Variants in TFCP2L1 observed in about 807,000 individuals in gnomAD.
The protein encoded by TFCP2L1 is transcription factor CP2-like protein 1.
Under a neutral mutation model 72.2 loss-of-function variants are expected in TFCP2L1, and 12 were observed. The ratio of observed to expected loss-of-function variants is 0.17; its 90% confidence interval spans 0.11 to 0.27. The LOEUF (loss-of-function observed/expected upper bound fraction) is 0.27. Among genes scored for constraint, TFCP2L1 ranks in the 10% least tolerant of loss-of-function variants. The pLI is 1.00. For synonymous variants in TFCP2L1, 260 were observed against 251.0 expected (o/e 1.04, Z -0.34); for missense variants, 488 against 624.6 (o/e 0.78, Z 2.33).
At chr2:121,249,174 C>T (rs865792175) in intron 3 of TFCP2L1, 87 bp from the exon 4 acceptor site, 2 of 1,083,128 alleles carry the variant, frequency 1.8e-6, no homozygotes, top group South Asian at 3.5e-5. Context: ...GTAAACCCTC[C>T]CACCTTTGAG....
At position 121,249,101 on chromosome 2, in the gene TFCP2L1, C is replaced by A; in HGVS notation, c.292-14G>T. 6.5e-7 allele frequency: 1 copy of A among 1,541,288 alleles called. No homozygotes were observed. On this transcript the variant is annotated splice_polypyrimidine_tract_variant and intron_variant, in intron 3 of 14. Coordinates refer to ENST00000263707, the MANE Select transcript of TFCP2L1 (RefSeq NM_014553.3). ...ACGGATGATGCTCTGGGGAGGGAGG[C>A]CAGCAGGGAAACAAGTGACCGCGGG...
intron 13 of TFCP2L1, among the ~76,000 whole-genome samples, chr2:121,230,862 G>A (rs1191535642): frequency 6.6e-6 from 1 of 152,118 alleles, no homozygotes; most frequent in Non-Finnish European, 1.5e-5. Context: ...GATCACTTGA[G>A]CCCAAGAGTT....
At position 121,231,938 on chromosome 2, in the gene TFCP2L1, G is replaced by A; in HGVS notation, c.1229C>T (p.Thr410Ile). 1 of 1,609,706 alleles carries A rather than the reference G, an allele frequency of 6.2e-7. No homozygotes were observed. The highest frequency in any genetic ancestry group is 1.1e-5 in the South Asian group (1 of 90,634). The change falls in exon 13 of 15, where the codon ACC (threonine) becomes ATC (isoleucine). Residue 410 changes from threonine to isoleucine, a missense_variant. By Grantham distance (89) the Thr-to-Ile change is moderately conservative. Around this residue, in one of 3 missense-constraint regions of TFCP2L1, gnomAD observed 286 missense variants for 329.0 expected, o/e 0.87. Coordinates refer to ENST00000263707, the MANE Select transcript of TFCP2L1 (RefSeq NM_014553.3). ...GATCTTCTCAATCAGCTCCAAGGTGGTCAGCTCTTCCAGGAAGATGGCGTG... is the reference window on the plus strand; with the variant it reads ...GATCTTCTCAATCAGCTCCAAGGTGATCAGCTCTTCCAGGAAGATGGCGTG... ...VYHAIFLEEL[T>I]TLELIEKIAN...
intron 2 of TFCP2L1, among the ~76,000 whole-genome samples, chr2:121,252,780 A>G (rs950607297): frequency 2.0e-5 from 3 of 152,204 alleles, no homozygotes; most frequent in African/African-American, 7.2e-5. Flanking sequence ...AAGTTAATGC[A>G]TCTATAATTA....
intron 11 of TFCP2L1, 67 bp downstream of exon 11, chr2:121,235,154 G>A (rs1216994814): frequency 3.2e-6 from 5 of 1,556,038 alleles, no homozygotes; most frequent in Non-Finnish European, 4.4e-6. Context: ...GGCTGAGGTA[G>A]GGGTTTCCCA....
chr2:121,255,765 C>T (rs1263885857), intron 2 of TFCP2L1, among the ~76,000 whole-genome samples: 2 of 148,288 alleles, frequency 1.3e-5, no homozygotes, highest in Admixed American at 1.4e-4. Context: ...TTTTTTGAGA[C>T]GGAATCTCGC....
chr2:121,266,778 T>C (rs1188594167), intron 2 of TFCP2L1, among the ~76,000 whole-genome samples: 1 of 152,238 alleles, frequency 6.6e-6, no homozygotes, highest in East Asian at 1.9e-4. Context: ...AATGCTTCCG[T>C]GCTTTATGAC....
chr2:121,280,120 C>A (rs1687226292), intron 2 of TFCP2L1, among the ~76,000 whole-genome samples: 1 of 152,048 alleles, frequency 6.6e-6, no homozygotes, highest in Non-Finnish European at 1.5e-5. Flanking sequence ...TACCAGGCAC[C>A]TCACAGACCT....
intron 2 of TFCP2L1, among the ~76,000 whole-genome samples, chr2:121,271,995 AC>A (rs1360531087): frequency 6.6e-6 from 1 of 151,928 alleles, no homozygotes; most frequent in East Asian, 1.9e-4. Flanking sequence ...AGCTTCATCC[AC>A]CCTCCCTCAG....
At chr2:121,251,193 T>A (rs1301719285) in intron 2 of TFCP2L1, among the ~76,000 whole-genome samples, 21 of 151,822 alleles carry the variant, frequency 1.4e-4, no homozygotes, top group Non-Finnish European at 1.5e-5. Context: ...GAGGCAGAGG[T>A]TGCAGTGGGC....
At chr2:121,281,301 G>A (rs769873225) in intron 1 of TFCP2L1, 30 bp from the exon 2 acceptor site, 8 of 1,567,278 alleles carry the variant, frequency 5.1e-6, no homozygotes, top group Non-Finnish European at 6.9e-6. Flanking sequence ...GAGGTCAGGA[G>A]CAGAGCCCCA....
chr2:121,285,083 C>T lies in TFCP2L1; in HGVS notation c.27G>A (p.Glu9=). Residue 9 remains glutamate, a synonymous_variant, in exon 1 of 15, where the codon GAG becomes GAA. Transcript: ENST00000263707. MLFWHTQP[E]HYNQHNSGSY... is the part of the protein sequence containing the mutation. ...TGCCGGAGTTGTGCTGGTTGTAGTG[C>T]TCGGGCTGCGTGTGCCAGAAGAGCA... 3 of 1,525,400 alleles carry T rather than the reference C, an allele frequency of 2.0e-6. 1 individual carries two copies. Among genetic ancestry groups the T allele is most frequent in the East Asian group, 2.8e-5 (1 of 36,038 alleles). 94.5% of individuals were successfully genotyped at this position (1,525,400 alleles called of 1,614,324 possible).
At chr2:121,246,141 A>G (rs73950912) in intron 6 of TFCP2L1, among the ~76,000 whole-genome samples, 4,813 of 152,218 alleles carry the variant, frequency 0.032, 217 homozygotes, top group African/African-American at 0.095. Flanking sequence ...TTGGACATGG[A>G]TTGCCCTCAT....
intron 7 of TFCP2L1, 87 bp from the exon 8 acceptor site, chr2:121,239,736 A>G (rs1686326308): frequency 2.4e-6 from 3 of 1,257,210 alleles, no homozygotes; most frequent in East Asian, 2.4e-5. Context: ...ATGCACTGAC[A>G]CCAATGCATG....
Position 121,281,090 on chromosome 2 carries a change from C to A in TFCP2L1, c.214+30G>T, listed in dbSNP as rs780859116. ...ATCAGCTCCCCACTACTTCTGGGTT[C>A]CGCCCTGGCCCGGGGCCTCTGGCCA... On this transcript the variant is annotated intron_variant, in intron 2 of 14. Coordinates refer to ENST00000263707, the MANE Select transcript of TFCP2L1 (RefSeq NM_014553.3). The A allele has an allele frequency of 3.1e-6, 5 of 1,613,368 alleles. No homozygotes were observed. The South Asian group carries it at 5.5e-5, about 18-fold the overall frequency.
At chr2:121,233,591 C>T (rs1686187278) in intron 12 of TFCP2L1, among the ~76,000 whole-genome samples, 1 of 152,202 alleles carries the variant, frequency 6.6e-6, no homozygotes, top group Admixed American at 6.5e-5. Context: ...CACACCCAGC[C>T]ACAATTTTGC....
chr2:121,253,651 C>T (rs1161459912), intron 2 of TFCP2L1, among the ~76,000 whole-genome samples: 1 of 152,210 alleles, frequency 6.6e-6, no homozygotes, highest in Non-Finnish European at 1.5e-5. Flanking sequence ...ACAGCAAGCA[C>T]CTCCTGTCCT....
chr2:121,283,254 C>G (rs1687300294), intron 1 of TFCP2L1, among the ~76,000 whole-genome samples: 1 of 152,152 alleles, frequency 6.6e-6, no homozygotes, highest in South Asian at 2.1e-4. Flanking sequence ...GTAAAGGCCT[C>G]TACCCTGGTG....
At position 121,224,159 on chromosome 2, in the gene TFCP2L1, T is replaced by TGTTGGTGG. The variant is rs1228831126; in HGVS notation, c.*181_*182insCCACCAAC. The TGTTGGTGG allele has an allele frequency of 3.2e-6, 2 of 631,704 alleles. No individual in the cohort carries two copies. The highest frequency in any genetic ancestry group is 3.7e-5 in the African/African-American group (2 of 54,408). 39.1% of individuals were successfully genotyped at this position (631,704 alleles called of 1,614,324 possible). A position where few individuals can be genotyped will look rare whatever the true frequency, so the allele number is the denominator to read the frequency against. The stretch of plus-strand genomic sequence containing the variant: ...GGAGAAAGGAGCCACTGGCTTTCTG[T>TGTTGGTGG]ACACCGTACTTGGTGTCCACAGGCT... On this transcript the variant is annotated 3_prime_UTR_variant, in exon 15 of 15. Transcript: ENST00000263707.
Sources: gnomAD v4.1 joint callset for allele counts (sites outside exome capture counted in the v4.1 genomes callset) on GRCh38, gnomAD v4.1.1 for gene constraint, gnomAD v4.1.1 regional missense constraint, MANE v1.5 for transcripts, NCBI Gene and HGNC (gene_info 2026-07-23, HGNC 2026-07-21) for gene names.